SNX25: variants seen among roughly 807,000 people sequenced by gnomAD.
SNX25 encodes sorting nexin-25.
SNX25 carries 62 observed loss-of-function variants against 113.7 expected under a neutral mutation model. The observed-to-expected ratio is 0.55, with a 90% CI of 0.44 to 0.67. SNX25 has a LOEUF of 0.67. Among genes scored for constraint, SNX25 ranks in the 30% least tolerant of loss-of-function variants. The pLI is 0.00. For missense variants in SNX25, 1,014 were observed against 1,161.0 expected, an observed-to-expected ratio of 0.87 and a Z score of 1.84; for synonymous variants, 421 against 436.2, an observed-to-expected ratio of 0.97 and a Z score of 0.43.
At chr4:185,313,403 A>G (rs2095046209) in intron 7 of SNX25, among the ~76,000 whole-genome samples, 1 of 152,212 alleles carries the variant, frequency 6.6e-6, no homozygotes, top group Admixed American at 6.5e-5. Context: ...AGAGACCTTT[A>G]GAGTGTACAT....
downstream of SNX25, among the ~76,000 whole-genome samples, chr4:185,371,408 A>G (rs28570195): frequency 0.033 from 5,011 of 151,980 alleles, 264 homozygotes; most frequent in African/African-American, 0.11. Context: ...TGGGCATGGT[A>G]GCGGGTGCCT....
intron 10 of SNX25, among the ~76,000 whole-genome samples, chr4:185,338,278 G>GTT (rs1167262761): frequency 6.5e-5 from 9 of 139,226 alleles, no homozygotes; most frequent in Non-Finnish European, 1.1e-4. Flanking sequence ...TATTCTGTGT[G>GTT]TTTTTTTTTT....
chr4:185,300,400 C>G (rs1488590050), intron 6 of SNX25, among the ~76,000 whole-genome samples: 2 of 151,078 alleles, frequency 1.3e-5, no homozygotes, highest in Admixed American at 1.3e-4. Context: ...AATTCCTGAC[C>G]TCAAGTGATC....
the SNX25 span, among the ~76,000 whole-genome samples, chr4:185,376,380 C>T: frequency 2.0e-5 from 3 of 151,554 alleles, no homozygotes; most frequent in Non-Finnish European, 4.4e-5. Context: ...TGGGTTCAAG[C>T]GATTCTCTGC....
intron 13 of SNX25, 149 bp from the exon 14 acceptor site, chr4:185,351,296 T>C: frequency 1.3e-6 from 1 of 767,022 alleles, no homozygotes; most frequent in East Asian, 2.5e-5. Context: ...TTATATAGTT[T>C]GTTTCAGGGG....
At chr4:185,295,356 A>G (rs1284506046) in intron 6 of SNX25, among the ~76,000 whole-genome samples, 1 of 152,190 alleles carries the variant, frequency 6.6e-6, no homozygotes, top group Non-Finnish European at 1.5e-5. Flanking sequence ...TTAGTATTCA[A>G]CCTAGAGATA....
At chr4:185,291,301 A>G (rs1163228047) in intron 6 of SNX25, among the ~76,000 whole-genome samples, 1 of 152,148 alleles carries the variant, frequency 6.6e-6, no homozygotes. Context: ...ATTACCACCC[A>G]TCTCCGGAAC....
At chr4:185,324,009 T>C (rs184005048) in intron 9 of SNX25, among the ~76,000 whole-genome samples, 66 of 152,340 alleles carry the variant, frequency 4.3e-4, no homozygotes, top group African/African-American at 1.5e-3. Context: ...TGGTTGTATG[T>C]ATTTCTTTCT....
At chr4:185,333,789 G>T (rs1215582170) in intron 10 of SNX25, among the ~76,000 whole-genome samples, 1 of 152,062 alleles carries the variant, frequency 6.6e-6, no homozygotes, top group East Asian at 1.9e-4. Flanking sequence ...AATGGCTCAT[G>T]CCTGTAATCT....
At chr4:185,261,112 CTCTGTGTGTG>C (rs1747255353) in intron 3 of SNX25, among the ~76,000 whole-genome samples, 1 of 114,516 alleles carries the variant, frequency 8.7e-6, no homozygotes, top group African/African-American at 3.7e-5. Context: ...GTCTGTCTGT[CTCTGTGTGTG>C]TGTGTGTGTG....
intron 5 of SNX25, among the ~76,000 whole-genome samples, chr4:185,274,049 A>G (rs1749311527): frequency 6.6e-6 from 1 of 150,962 alleles, no homozygotes; most frequent in Non-Finnish European, 1.5e-5. Context: ...AAAGATGACA[A>G]GGTTATACAC....
intron 7 of SNX25, among the ~76,000 whole-genome samples, chr4:185,315,240 AAGAAAAGAAAAC>A (rs2095063435): frequency 6.6e-6 from 1 of 151,736 alleles, no homozygotes; most frequent in African/African-American, 2.4e-5. Context: ...AAAAAAAGAA[AAGAAAAGAAAAC>A]CTTCCCACAG....
intron 10 of SNX25, among the ~76,000 whole-genome samples, chr4:185,339,007 A>T (rs1388461588): frequency 2.6e-5 from 4 of 152,118 alleles, no homozygotes; most frequent in African/African-American, 7.2e-5. Flanking sequence ...TGCAAAAAAA[A>T]GTTATTGAAA....
chr4:185,277,999 T>C lies in SNX25; in HGVS notation c.1092-10013T>C. On this transcript the variant is annotated intron_variant, in intron 5 of 18. Coordinates refer to ENST00000652585, the MANE Select transcript of SNX25 (RefSeq NM_001378034.2). Reference sequence around the variant, plus strand: ...CGCCCGCCTCGGCCTCCCAAAGTGCTGGGATTACAGGCGTGAGCCACCGCG... The same window carrying C: ...CGCCCGCCTCGGCCTCCCAAAGTGCCGGGATTACAGGCGTGAGCCACCGCG... 1.3e-5 allele frequency among the ~76,000 whole-genome samples: 2 copies of C among 150,282 alleles called. 1 individual carries two copies. The highest frequency in any genetic ancestry group is 3.0e-5 in the Non-Finnish European group (2 of 67,584).
intron 7 of SNX25, among the ~76,000 whole-genome samples, chr4:185,314,995 G>A (rs1418122206): frequency 4.0e-5 from 6 of 151,766 alleles, no homozygotes; most frequent in South Asian, 2.1e-4. Context: ...TTGGGAGGCC[G>A]AGGCGGGCGG....
At chr4:185,233,462 A>G (rs1742153507) in intron 1 of SNX25, among the ~76,000 whole-genome samples, 1 of 152,226 alleles carries the variant, frequency 6.6e-6, no homozygotes, top group South Asian at 2.1e-4. Context: ...GATTTCCCTT[A>G]TGAACTCAAA....
chr4:185,212,291 T>TAA (rs71593611), intron 1 of SNX25, among the ~76,000 whole-genome samples: 72 of 145,768 alleles, frequency 4.9e-4, no homozygotes, highest in African/African-American at 9.4e-4. Flanking sequence ...CCCTGCCTCT[T>TAA]AAAAAAAAAA....
intron 5 of SNX25, among the ~76,000 whole-genome samples, chr4:185,283,915 G>A (rs1453143091): frequency 4.6e-5 from 7 of 152,088 alleles, no homozygotes; most frequent in African/African-American, 1.4e-4. Flanking sequence ...TAGTCAGATG[G>A]TGTGTATTTT....
At chr4:185,277,968 G>A (rs1271771792) in intron 5 of SNX25, among the ~76,000 whole-genome samples, 1 of 45,708 alleles carries the variant, frequency 2.2e-5, no homozygotes. Flanking sequence ...TCCTGACCTC[G>A]TGATCCGCCC....
Sources: gnomAD v4.1 joint callset for allele counts (sites outside exome capture counted in the v4.1 genomes callset) on GRCh38, gnomAD v4.1.1 for gene constraint, MANE v1.5 for transcripts, NCBI Gene and HGNC (gene_info 2026-07-23, HGNC 2026-07-21) for gene names.